The following CDIN1 variants were observed in gnomAD, a reference collection of about 807,000 sequenced individuals.
CDIN1 encodes CDAN1-interacting nuclease 1.
A neutral mutation model predicts 45.3 loss-of-function variants in CDIN1; 33 were observed. That is an observed-to-expected ratio of 0.73 (90% CI 0.55 to 0.97). The LOEUF (loss-of-function observed/expected upper bound fraction) is 0.97, where lower values mean the gene tolerates loss of function less well. CDIN1 is among the 50% of genes least tolerant of loss of function. CDIN1 has a pLI of 0.00. For synonymous variants in CDIN1, 118 were observed against 124.4 expected (o/e 0.95, Z 0.34); for missense variants, 303 against 339.4 (o/e 0.89, Z 0.84).
intron 1 of CDIN1, among the ~76,000 whole-genome samples, chr15:36,606,162 G>C (rs1261998124): frequency 6.6e-6 from 1 of 151,994 alleles, no homozygotes; most frequent in Non-Finnish European, 1.5e-5. Context: ...CACGCATTGT[G>C]TAGTGTTACA....
intron 10 of CDIN1, among the ~76,000 whole-genome samples, chr15:36,726,776 G>C (rs1285753837): frequency 2.0e-5 from 3 of 152,030 alleles, no homozygotes; most frequent in African/African-American, 7.2e-5. Context: ...ATAGAGAGAG[G>C]GTTAAGTCCT....
chr15:36,699,245 A>C (rs1450195671), intron 8 of CDIN1, among the ~76,000 whole-genome samples: 1 of 152,050 alleles, frequency 6.6e-6, no homozygotes. Context: ...TTTGTGGTTG[A>C]AAAATGAAAA....
chr15:36,609,049 C>T (rs375020051), intron 1 of CDIN1, among the ~76,000 whole-genome samples: 6 of 152,124 alleles, frequency 3.9e-5, no homozygotes, highest in Non-Finnish European at 7.4e-5. Flanking sequence ...TGGGCTCTGT[C>T]GCCTAGGCTG....
chr15:36,656,864 G>T (rs913031486), intron 4 of CDIN1, among the ~76,000 whole-genome samples: 1 of 152,068 alleles, frequency 6.6e-6, no homozygotes. Flanking sequence ...TAAAATTTTG[G>T]TATGAATACG....
chr15:36,808,261 G>A, intron 10 of CDIN1, 63 bp from the exon 11 acceptor site: 1 of 1,588,892 alleles, frequency 6.3e-7, no homozygotes, highest in Non-Finnish European at 8.6e-7. Context: ...GTGCCCCAAG[G>A]TGACTTTTTT....
chr15:36,611,148 C>T (rs1414230172), intron 1 of CDIN1, among the ~76,000 whole-genome samples: 1 of 152,158 alleles, frequency 6.6e-6, no homozygotes, highest in Non-Finnish European at 1.5e-5. Flanking sequence ...GGCCTTAGCA[C>T]TTCTTGGCAA....
At chr15:36,667,487 C>G (rs993307841) in intron 5 of CDIN1, among the ~76,000 whole-genome samples, 2 of 152,112 alleles carry the variant, frequency 1.3e-5, no homozygotes, top group African/African-American at 2.4e-5. Context: ...AAAGCTGTAT[C>G]TAGGAAGAAA....
At chr15:36,618,348 G>T in intron 1 of CDIN1, 1 of 680,358 alleles carries the variant, frequency 1.5e-6, no homozygotes, top group South Asian at 1.7e-5. Context: ...TGGGGATTAG[G>T]AGCAAACTTA....
intron 10 of CDIN1, among the ~76,000 whole-genome samples, chr15:36,716,163 T>G (rs8039451): frequency 0.55 from 82,887 of 151,984 alleles, 23,091 homozygotes; most frequent in East Asian, 0.66. Context: ...GATTACTCTT[T>G]TCAAGCATAT....
intron 8 of CDIN1, among the ~76,000 whole-genome samples, chr15:36,701,317 G>C (rs1210057131): frequency 6.6e-6 from 1 of 152,050 alleles, no homozygotes; most frequent in East Asian, 1.9e-4. Context: ...ACTCTTAGCA[G>C]ACAAAATAGA....
chr15:36,626,643 G>T, intron 1 of CDIN1: 1 of 334,844 alleles, frequency 3.0e-6, no homozygotes, highest in Non-Finnish European at 5.8e-6. Flanking sequence ...TTCTCTTTTG[G>T]GCAACAAAGC....
intron 1 of CDIN1, among the ~76,000 whole-genome samples, chr15:36,629,900 A>G (rs1422688991): frequency 6.6e-6 from 1 of 152,192 alleles, no homozygotes. Context: ...AATATTTTGT[A>G]TATGTGCATA....
intron 10 of CDIN1, among the ~76,000 whole-genome samples, chr15:36,782,849 C>T (rs887380228): frequency 6.6e-6 from 1 of 152,170 alleles, no homozygotes; most frequent in Admixed American, 6.5e-5. Flanking sequence ...TTGTTCCAAA[C>T]GTAGCATTGT....
At chr15:36,776,832 T>C (rs1304548742) in intron 10 of CDIN1, among the ~76,000 whole-genome samples, 1 of 152,198 alleles carries the variant, frequency 6.6e-6, no homozygotes. Flanking sequence ...TTTCCTTACC[T>C]AAATGAAATC....
At chr15:36,595,290 T>TTATAATATAATATAATATAATATAA (rs36228170) in intron 1 of CDIN1, among the ~76,000 whole-genome samples, 29 of 141,408 alleles carry the variant, frequency 2.1e-4, no homozygotes, top group South Asian at 4.6e-4. Context: ...TACACTTACA[T>TTATAATATAATATAATATAATATAA]TATAATATAA....
At chr15:36,638,978 T>A (rs2040004711) in intron 1 of CDIN1, among the ~76,000 whole-genome samples, 1 of 152,248 alleles carries the variant, frequency 6.6e-6, no homozygotes, top group South Asian at 2.1e-4. Context: ...CCAGGTCTAC[T>A]GTTCTTCTAG....
At chr15:36,716,413 A>G (rs142074659) in intron 10 of CDIN1, among the ~76,000 whole-genome samples, 23 of 152,286 alleles carry the variant, frequency 1.5e-4, no homozygotes, top group African/African-American at 5.3e-4. Context: ...ATGAGAGTTT[A>G]CCAATATCGG....
At chr15:36,683,057 ATT>A (rs1566895805) in intron 5 of CDIN1, among the ~76,000 whole-genome samples, 1 of 152,220 alleles carries the variant, frequency 6.6e-6, no homozygotes, top group African/African-American at 2.4e-5. Flanking sequence ...ATGTATTTCA[ATT>A]TATTTATATG....
intron 1 of CDIN1, among the ~76,000 whole-genome samples, chr15:36,589,012 T>A (rs117060333): frequency 0.024 from 3,700 of 152,296 alleles, 49 homozygotes; most frequent in South Asian, 0.046. Context: ...GCATCAAACT[T>A]TAGTTTACTA....
Sources: allele counts gnomAD v4.1 joint callset (sites outside exome capture counted in the v4.1 genomes callset), GRCh38; gene constraint gnomAD v4.1.1; transcripts MANE v1.5; gene names NCBI Gene and HGNC (gene_info 2026-07-23, HGNC 2026-07-21).